The following ZIC5 variants were observed in gnomAD, a reference collection of about 807,000 sequenced individuals.
ZIC5 encodes Zic family zinc finger 5.
In ZIC5, 20 loss-of-function variants were observed where a neutral mutation model predicts 28.5. The observed-to-expected ratio is 0.70, with a 90% confidence interval of 0.49 to 1.02. The LOEUF is 1.02. Among genes scored for constraint, ZIC5 ranks in the 50% least tolerant of loss-of-function variants. The pLI, the probability that ZIC5 is intolerant of heterozygous loss-of-function variation, is 0.00. For missense variants in ZIC5, 951 were observed against 899.7 expected, an observed-to-expected ratio of 1.06 and a Z score of -0.73; for synonymous variants, 488 against 410.4, an observed-to-expected ratio of 1.19 and a Z score of -2.29.
chr13:99,970,245 C>G lies in ZIC5; in HGVS notation c.1359G>C (p.Lys453Asn). Residue 453 changes from lysine (K) to asparagine (N), a missense_variant, in exon 1 of 2, where the codon AAG becomes AAC. Lys to Asn is a moderately conservative substitution (Grantham distance 94, BLOSUM62 0). Transcript: ENST00000267294. The part of the protein sequence containing the change: ...REGKPFKAKY[K>N]LINHIRVHTG... The stretch of plus-strand genomic sequence containing the variant: ...TGTGCACGCGGATGTGGTTGATGAG[C>G]TTGTATTTGGCCTTGAAGGGCTTGC... The G allele has an allele frequency of 6.2e-7, 1 of 1,613,860 alleles. No individual in the cohort carries two copies. The highest frequency in any genetic ancestry group is 1.3e-5 in the African/African-American group (1 of 75,018).
chr13:99,965,275 G>A lies in ZIC5; in HGVS notation c.*102C>T, dbSNP rs910116105. 2.6e-6 allele frequency: 3 copies of A among 1,146,138 alleles called. No homozygotes were observed. The East Asian group carries it at 7.8e-5, about 30-fold the overall frequency. 71.0% of individuals were successfully genotyped at this position (1,146,138 alleles called of 1,614,324 possible). A position where few individuals can be genotyped will look rare whatever the true frequency, so the allele number is the denominator to read the frequency against. On this transcript the variant is annotated 3_prime_UTR_variant, in exon 2 of 2. Transcript: ENST00000267294. ...TAGGGCTAATTAGACCCGGTGGCAAGTCTGAGTCACGGGTTTGTCTCAGGC... is the reference window on the plus strand; with the variant it reads ...TAGGGCTAATTAGACCCGGTGGCAAATCTGAGTCACGGGTTTGTCTCAGGC...
Position 99,971,025 on chromosome 13 carries a change from G to T in ZIC5, c.579C>A (p.Leu193=). 7.1e-7 allele frequency: 1 copy of T among 1,417,624 alleles called. No homozygotes were observed. The highest frequency in any genetic ancestry group is 9.1e-7 in the Non-Finnish European group (1 of 1,098,458). The allele number at this position is 1,417,624 out of a possible 1,614,324, so 87.8% of individuals were successfully genotyped here. A position where few individuals can be genotyped will look rare whatever the true frequency, so the allele number is the denominator to read the frequency against. Residue 193 remains leucine, a synonymous_variant, in exon 1 of 2, where the codon CTC becomes CTA. Transcript: ENST00000267294. The part of the protein sequence containing the change: ...APAAAMHGAP[L]GGEQRSGTGS... Reference sequence around the variant, plus strand: ...CGGTGCCGGACCGCTGCTCCCCTCCGAGCGGGGCCCCGTGCATGGCCGCCG... The same window carrying T: ...CGGTGCCGGACCGCTGCTCCCCTCCTAGCGGGGCCCCGTGCATGGCCGCCG...
At position 99,971,122 on chromosome 13, in the gene ZIC5, C is replaced by T; in HGVS notation, c.482G>A (p.Gly161Asp). The change falls in exon 1 of 2, where the codon GGC (glycine) becomes GAC (aspartate). Residue 161 changes from glycine (G) to aspartate (D), a missense_variant. Physicochemically the swap from Gly to Asp is moderately conservative, Grantham distance 94. Coordinates refer to ENST00000267294, the MANE Select transcript of ZIC5 (RefSeq NM_033132.5). Reference sequence around the variant, plus strand: ...GTGGCCTTTGCCGCTGCTGCCGCCGCCGCCACTGTTGGTGGTGGTGTAGCC... The same window carrying T: ...GTGGCCTTTGCCGCTGCTGCCGCCGTCGCCACTGTTGGTGGTGGTGTAGCC... Reference protein sequence around the residue: ...LSGYTTTNSGGGGSSGKGHSR... With the variant: ...LSGYTTTNSGDGGSSGKGHSR... 1.4e-6 allele frequency: 2 copies of T among 1,435,380 alleles called. No individual in the cohort carries two copies. Among genetic ancestry groups the T allele is most frequent in the East Asian group, 3.0e-5 (1 of 33,584 alleles). The allele number at this position is 1,435,380 out of a possible 1,614,324, so 88.9% of individuals were successfully genotyped here.
chr13:99,970,025 A>T, intron 1 of ZIC5, 102 bp downstream of exon 1: 1 of 1,554,510 alleles, frequency 6.4e-7, no homozygotes, highest in Non-Finnish European at 8.7e-7. Flanking sequence ...AAGGAGAAAA[A>T]AATTAAGGCG....
Position 99,971,469 on chromosome 13 carries a change from C to T in ZIC5, c.135G>A (p.Arg45=). ...GCAGGCGGAGGTGCGCGACGGCGGC[C>T]CGGAGTTGGGAGTGGGCGGGCGGGC... ...LAGPPAHSQL[R]AAVAHLRLRD... Residue 45 remains arginine, a synonymous_variant, in exon 1 of 2, where the codon CGG becomes CGA. Coordinates refer to ENST00000267294, the MANE Select transcript of ZIC5 (RefSeq NM_033132.5). The T allele has an allele frequency of 1.3e-6, 2 of 1,548,614 alleles. No homozygotes were observed. Among genetic ancestry groups the T allele is most frequent in the Non-Finnish European group, 1.7e-6 (2 of 1,146,080 alleles).
In ZIC5 at chr13:99,964,928, C is replaced by T. The variant is rs968599991; in HGVS notation, c.*449G>A. On this transcript the variant is annotated 3_prime_UTR_variant, in exon 2 of 2. Transcript: ENST00000267294. ...TGGTGTCAAAGGCATTTGAGAGGCA[C>T]TCTGGGAAATGCAGAGGGCCTTGGT... 6.6e-6 allele frequency: 1 copy of T among 151,364 alleles called. No homozygotes were observed. Among genetic ancestry groups the T allele is most frequent in the African/African-American group, 2.4e-5 (1 of 41,040 alleles). The allele number at this position is 151,364 out of a possible 1,614,324, so 9.4% of individuals were successfully genotyped here. A position where few individuals can be genotyped will look rare whatever the true frequency, so the allele number is the denominator to read the frequency against.
At position 99,970,606 on chromosome 13, in the gene ZIC5, G is replaced by A. The variant is rs1326564101; in HGVS notation, c.998C>T (p.Pro333Leu). Residue 333 changes from proline to leucine, a missense_variant, in exon 1 of 2, where the codon CCC becomes CTC. Physicochemically the swap from Pro to Leu is moderately conservative, Grantham distance 98. Coordinates refer to ENST00000267294, the MANE Select transcript of ZIC5 (RefSeq NM_033132.5). ...PGPHLQHHAP[P>L]PAPPPPPAPA... ...CGCCGGCGGCGGCGGCGGCGCCGGG[G>A]GCGGCGCGTGGTGCTGCAGGTGGGG... 1.3e-5 allele frequency: 13 copies of A among 1,007,826 alleles called. No homozygotes were observed. Among genetic ancestry groups the A allele is most frequent in the East Asian group, 2.0e-4 (2 of 9,904 alleles). 62.4% of individuals were successfully genotyped at this position (1,007,826 alleles called of 1,614,324 possible).
intron 1 of ZIC5, 103 bp downstream of exon 1, chr13:99,970,024 A>C (rs1035648250): frequency 1.9e-6 from 3 of 1,551,740 alleles, no homozygotes. Flanking sequence ...GAAGGAGAAA[A>C]AAATTAAGGC....
chr13:99,969,982 T>C (rs1594284036), intron 1 of ZIC5, 145 bp downstream of exon 1: 3 of 1,260,408 alleles, frequency 2.4e-6, no homozygotes, highest in Non-Finnish European at 3.2e-6. Context: ...AAGTCACATG[T>C]CCGGGTTATA....
chr13:99,971,560 A>T lies in ZIC5; in HGVS notation c.44T>A (p.Leu15Ter), dbSNP rs1166551179. The T allele has an allele frequency of 1.9e-6, 3 of 1,552,940 alleles. No individual in the cohort carries two copies. Among genetic ancestry groups the T allele is most frequent in the Non-Finnish European group, 2.6e-6 (3 of 1,147,582 alleles). The change falls in exon 1 of 2, where the codon TTA (leucine) becomes TAA (stop). Residue 15 changes from leucine (L) to a stop codon, truncating the protein, a stop_gained. Transcript: ENST00000267294. LOFTEE classifies it high-confidence loss of function. ...LSKRNPPALR[L>*]ADLATAQVQP... Reference sequence around the variant, plus strand: ...GACCTGAGCCGTTGCCAAATCCGCTAATCTCAGCGCTGGCGGGTTCCTCTT... The same window carrying T: ...GACCTGAGCCGTTGCCAAATCCGCTTATCTCAGCGCTGGCGGGTTCCTCTT...
chr13:99,967,392 AT>A (rs752194492), intron 1 of ZIC5, among the ~76,000 whole-genome samples: 1 of 152,362 alleles, frequency 6.6e-6, no homozygotes, highest in Non-Finnish European at 1.5e-5. Flanking sequence ...ACCTCGAAAA[AT>A]TCTCTGTAGA....
intron 1 of ZIC5, among the ~76,000 whole-genome samples, chr13:99,969,001 C>T (rs1393457471): frequency 2.6e-5 from 4 of 152,244 alleles, no homozygotes; most frequent in Admixed American, 2.6e-4. Flanking sequence ...CAAGTGATTA[C>T]TGAACGTAAA....
chr13:99,971,486 C>T lies in ZIC5; in HGVS notation c.118G>A (p.Ala40Thr), dbSNP rs1238076055. ...TGFPALAGPP[A>T]HSQLRAAVAH... ...ACGGCGGCCCGGAGTTGGGAGTGGG[C>T]GGGCGGGCCGGCCAGCGCCGGGAAG... Residue 40 changes from alanine to threonine, a missense_variant, in exon 1 of 2, where the codon GCC becomes ACC. Physicochemically the swap from Ala to Thr is moderately conservative, Grantham distance 58 (BLOSUM62 0). This residue lies in a region of ZIC5 where 784 missense variants were observed against 660.1 expected (regional missense o/e 1.19). Transcript: ENST00000267294. 6 of 1,372,758 alleles carry T rather than the reference C, an allele frequency of 4.4e-6. No homozygotes were observed. The highest frequency in any genetic ancestry group is 1.2e-5 in the South Asian group (1 of 81,208). 85.0% of individuals were successfully genotyped at this position (1,372,758 alleles called of 1,614,324 possible).
In ZIC5 at chr13:99,970,961, C is replaced by A. The variant is rs992947638; in HGVS notation, c.643G>T (p.Gly215Cys). The A allele has an allele frequency of 3.6e-6, 5 of 1,399,264 alleles. No individual in the cohort carries two copies. Among genetic ancestry groups the A allele is most frequent in the Non-Finnish European group, 4.6e-6 (5 of 1,088,472 alleles). The allele number at this position is 1,399,264 out of a possible 1,614,324, so 86.7% of individuals were successfully genotyped here. The change falls in exon 1 of 2, where the codon GGC becomes TGC. Residue 215 changes from glycine (G) to cysteine (C), a missense_variant. Around this residue, in one of 3 missense-constraint regions of ZIC5, gnomAD observed 784 missense variants for 660.1 expected, o/e 1.19. Transcript: ENST00000267294. ...QHPAPPPHSA[G>C]MFISASGTYA... is the part of the protein sequence containing the mutation. ...GTGCCGCTGGCGGAGATGAACATGC[C>A]GGCCGAGTGGGGAGGCGGGGCCGGG...
chr13:99,966,988 C>T, intron 1 of ZIC5, among the ~76,000 whole-genome samples: 1 of 152,302 alleles, frequency 6.6e-6, no homozygotes, highest in Middle Eastern at 3.4e-3. Context: ...ATATTTTCCT[C>T]TTTTAGGTAA....
In ZIC5 at chr13:99,970,827, CAGG is replaced by C; in HGVS notation, c.774_776del (p.Leu259del). ...CGGCTGCCGCTGCCGCCGCCAGCCC[CAGG>C]CGCATCTGGCCGTTGAGCGGGTGCG... On this transcript the variant is annotated inframe_deletion, in exon 1 of 2. Transcript: ENST00000267294. 8.1e-7 allele frequency: 1 copy of C among 1,230,850 alleles called. No homozygotes were observed. Among genetic ancestry groups the C allele is most frequent in the African/African-American group, 1.6e-5 (1 of 62,690 alleles). 76.2% of individuals were successfully genotyped at this position (1,230,850 alleles called of 1,614,324 possible).
chr13:99,965,422 A>G lies in ZIC5; in HGVS notation c.1875T>C (p.Asp625=), dbSNP rs2053092244. Residue 625 remains aspartate (D), a synonymous_variant, in exon 2 of 2, where the codon GAT becomes GAC. Transcript: ENST00000267294. ...SSNGTTSETE[D]EEIYGNPEVV... The stretch of plus-strand genomic sequence containing the variant: ...CTTCAGGGTTCCCGTAAATTTCCTC[A>G]TCTTCAGTCTCAGAGGTGGTTCCGT... 6.2e-7 allele frequency: 1 copy of G among 1,614,036 alleles called. No homozygotes were observed. Among genetic ancestry groups the G allele is most frequent in the East Asian group, 2.2e-5 (1 of 44,872 alleles).
At chr13:99,968,139 G>C (rs754091294) in intron 1 of ZIC5, among the ~76,000 whole-genome samples, 1 of 152,236 alleles carries the variant, frequency 6.6e-6, no homozygotes, top group Non-Finnish European at 1.5e-5. Flanking sequence ...TCCGTTCCGG[G>C]ATCCCGGATA....
At position 99,970,697 on chromosome 13, in the gene ZIC5, A is replaced by G; in HGVS notation, c.907T>C (p.Tyr303His). ...TTCAGGTTTAAGTTCACGGCTCCGT[A>G]GCCGTGCAGGGCGGCCGCCGCTGCG... ...AAAAAAALHG[Y>H]GAVNLNLNLA... is the part of the protein sequence containing the mutation. The change falls in exon 1 of 2, where the codon TAC becomes CAC. Residue 303 changes from tyrosine to histidine, a missense_variant. Physicochemically the swap from Tyr to His is moderately conservative, Grantham distance 83. Around this residue, in one of 3 missense-constraint regions of ZIC5, gnomAD observed 784 missense variants for 660.1 expected, o/e 1.19. Transcript: ENST00000267294. 1 of 1,191,060 alleles carries G rather than the reference A, an allele frequency of 8.4e-7. No individual in the cohort carries two copies. Among genetic ancestry groups the G allele is most frequent in the Non-Finnish European group, 1.0e-6 (1 of 955,758 alleles). The allele number at this position is 1,191,060 out of a possible 1,614,324, so 73.8% of individuals were successfully genotyped here.
Sources: allele counts gnomAD v4.1 joint callset (sites outside exome capture counted in the v4.1 genomes callset), GRCh38; gene constraint gnomAD v4.1.1; regional missense constraint gnomAD v4.1.1; transcripts MANE v1.5; gene names NCBI Gene and HGNC (gene_info 2026-07-23, HGNC 2026-07-21).